Variants in ODR4 observed in about 807,000 individuals in gnomAD.
ODR4 encodes the protein odr-4 GPCR localization factor homolog.
In ODR4, 47 loss-of-function variants were observed where a neutral mutation model predicts 60.2. That is an observed-to-expected ratio of 0.78 (90% CI 0.62 to 1.00). The LOEUF (loss-of-function observed/expected upper bound fraction) is 1.00. Among genes scored for constraint, ODR4 ranks in the 50% least tolerant of loss-of-function variants. The probability of loss-of-function intolerance (pLI) is 0.00; values close to 1 mark genes in which losing one functional copy is unlikely to be tolerated. For missense variants in ODR4, 488 were observed against 530.8 expected, an observed-to-expected ratio of 0.92 and a Z score of 0.79; for synonymous variants, 178 against 175.5, an observed-to-expected ratio of 1.01 and a Z score of -0.11.
intron 4 of ODR4, among the ~76,000 whole-genome samples, chr1:186,387,678 T>C (rs1660306008): frequency 6.6e-6 from 1 of 152,188 alleles, no homozygotes; most frequent in African/African-American, 2.4e-5. Flanking sequence ...CGGAAGAATT[T>C]CTTTTTATAT....
chr1:186,418,289 C>CTTTT (rs35821609), intron 13 of ODR4, among the ~76,000 whole-genome samples: 158 of 110,336 alleles, frequency 1.4e-3, no homozygotes, highest in Middle Eastern at 4.2e-3. Context: ...TTCTTTCTTT[C>CTTTT]TTTTTTTTTT....
chr1:186,414,724 G>A (rs1661497788), intron 12 of ODR4, among the ~76,000 whole-genome samples: 2 of 152,058 alleles, frequency 1.3e-5, no homozygotes, highest in South Asian at 4.1e-4. Flanking sequence ...GTTTCACCAT[G>A]TTAGCCAGGA....
intron 4 of ODR4, 145 bp from the exon 5 acceptor site, chr1:186,388,296 AC>A: frequency 1.9e-6 from 1 of 517,302 alleles, no homozygotes; most frequent in Non-Finnish European, 3.4e-6. Flanking sequence ...AGCTTGAGCA[AC>A]ATAGTGAGAC....
At chr1:186,434,767 T>C in the ODR4 span, among the ~76,000 whole-genome samples, 1 of 152,192 alleles carries the variant, frequency 6.6e-6, no homozygotes, top group South Asian at 2.1e-4. Context: ...TCTCTGTAAT[T>C]CAAGTTACCC....
intron 12 of ODR4, chr1:186,411,748 A>G (rs553586783): frequency 2.9e-6 from 1 of 350,434 alleles, no homozygotes; most frequent in South Asian, 1.2e-4. Context: ...AAACTTAGTT[A>G]TATGTTTCAC....
At chr1:186,412,613 T>A (rs1661416507) in intron 12 of ODR4, among the ~76,000 whole-genome samples, 1 of 152,136 alleles carries the variant, frequency 6.6e-6, no homozygotes, top group Non-Finnish European at 1.5e-5. Flanking sequence ...TACATAAACA[T>A]CCTATTTTTT....
At chr1:186,407,039 TTTGA>T (rs1661199293) in intron 12 of ODR4, among the ~76,000 whole-genome samples, 1 of 152,126 alleles carries the variant, frequency 6.6e-6, no homozygotes, top group Admixed American at 6.5e-5. Context: ...CAAGTAAGTA[TTTGA>T]TTGGGGAACT....
chr1:186,386,223 T>C (rs1660244141), intron 4 of ODR4, 140 bp downstream of exon 4: 1 of 507,998 alleles, frequency 2.0e-6, no homozygotes, highest in Non-Finnish European at 3.4e-6. Flanking sequence ...GAAAAAGCTT[T>C]TGTCACTCAA....
At chr1:186,380,011 GA>G in intron 2 of ODR4, 127 bp downstream of exon 2, 1 of 542,040 alleles carries the variant, frequency 1.8e-6, no homozygotes, top group Non-Finnish European at 3.0e-6. Flanking sequence ...GATGGAAGAA[GA>G]AATGTGGAAG....
the ODR4 span, among the ~76,000 whole-genome samples, chr1:186,428,339 C>T: frequency 2.6e-5 from 4 of 152,290 alleles, no homozygotes; most frequent in Admixed American, 2.6e-4. Flanking sequence ...TAGCTTCTCT[C>T]CTTAAACCCC....
At chr1:186,431,674 A>G in the ODR4 span, among the ~76,000 whole-genome samples, 1 of 152,216 alleles carries the variant, frequency 6.6e-6, no homozygotes, top group African/African-American at 2.4e-5. Flanking sequence ...TAGTGTCACT[A>G]ATGATATTTG....
In ODR4 at chr1:186,398,402, T is replaced by A; in HGVS notation, c.870T>A (p.Tyr290Ter). ...AGGGTGCTGTGAAATGCAGAGCTTA[T>A]ATCCACAGCAGTAAACCCAAAGTTA... ...NLKGAVKCRA[Y>*]IHSSKPKVKD... is the part of the protein sequence containing the mutation. The change falls in exon 10 of 14, where the codon TAT (tyrosine) becomes TAA (stop). Residue 290 changes from tyrosine to a stop codon, truncating the protein, a stop_gained. Transcript: ENST00000287859. LOFTEE classifies it high-confidence loss of function. The A allele has an allele frequency of 1.2e-6, 2 of 1,609,286 alleles. No individual in the cohort carries two copies. The highest frequency in any genetic ancestry group is 1.7e-6 in the Non-Finnish European group (2 of 1,177,262).
chr1:186,402,225 T>TCTTTCTTTCTTTCTTTCTTTC (rs1039735398), intron 11 of ODR4, among the ~76,000 whole-genome samples: 2 of 149,896 alleles, frequency 1.3e-5, no homozygotes, highest in Middle Eastern at 3.4e-3. Context: ...TTTCTTTCTT[T>TCTTTCTTTCTTTCTTTCTTTC]CTTTCTTTCC....
chr1:186,405,844 G>A (rs888641652), intron 11 of ODR4, among the ~76,000 whole-genome samples: 8 of 152,060 alleles, frequency 5.3e-5, no homozygotes, highest in Non-Finnish European at 7.4e-5. Flanking sequence ...GAGCCACCGC[G>A]CCTGGAGATA....
intron 12 of ODR4, among the ~76,000 whole-genome samples, chr1:186,410,938 C>G (rs1279745842): frequency 6.6e-6 from 1 of 152,016 alleles, no homozygotes; most frequent in Non-Finnish European, 1.5e-5. Flanking sequence ...TCACTTGAAC[C>G]CGGAAGGCGG....
intron 12 of ODR4, 43 bp downstream of exon 12, chr1:186,406,311 T>G (rs1165814194): frequency 1.4e-6 from 2 of 1,428,248 alleles, no homozygotes; most frequent in Non-Finnish European, 1.9e-6. Context: ...AGATTACAGC[T>G]AAGATTTTAC....
At chr1:186,415,413 A>G (rs1001310085) in intron 12 of ODR4, among the ~76,000 whole-genome samples, 6 of 152,198 alleles carry the variant, frequency 3.9e-5, no homozygotes, top group African/African-American at 1.4e-4. Context: ...ATTTTACTTT[A>G]AATTTAAACA....
At chr1:186,384,756 G>C (rs1265657395) in intron 3 of ODR4, among the ~76,000 whole-genome samples, 1 of 151,986 alleles carries the variant, frequency 6.6e-6, no homozygotes, top group African/African-American at 2.4e-5. Flanking sequence ...AGATATGCAG[G>C]CTCCTTATGC....
intron 9 of ODR4, among the ~76,000 whole-genome samples, chr1:186,395,359 C>A (rs910904425): frequency 5.3e-5 from 8 of 152,094 alleles, no homozygotes; most frequent in African/African-American, 1.9e-4. Flanking sequence ...TCCCAAAGTG[C>A]TGGGATTACA....
Sources: gnomAD v4.1 joint callset for allele counts (sites outside exome capture counted in the v4.1 genomes callset) on GRCh38, gnomAD v4.1.1 for gene constraint, MANE v1.5 for transcripts, NCBI Gene and HGNC (gene_info 2026-07-23, HGNC 2026-07-21) for gene names.